The following TMC1 variants were observed in gnomAD, a reference collection of about 807,000 sequenced individuals.
TMC1 encodes the protein transmembrane channel like 1.
Under a neutral mutation model 105.8 loss-of-function variants are expected in TMC1, and 84 were observed. That is an observed-to-expected ratio of 0.79 (90% CI 0.67 to 0.95). The LOEUF is 0.95. Ranked by LOEUF, TMC1 falls within the 40% of genes least tolerant of loss-of-function variation. The probability of loss-of-function intolerance (pLI) is 0.00; values close to 1 mark genes in which losing one functional copy is unlikely to be tolerated. For missense variants in TMC1, 817 were observed against 914.1 expected (o/e 0.89, Z 1.37); for synonymous variants, 315 against 311.5 (o/e 1.01, Z -0.12).
At chr9:72,559,570 A>G (rs930590535) in intron 1 of TMC1, among the ~76,000 whole-genome samples, 1 of 152,218 alleles carries the variant, frequency 6.6e-6, no homozygotes, top group African/African-American at 2.4e-5. Flanking sequence ...AGCTGTAGCA[A>G]TGGAGTAATA....
intron 8 of TMC1, among the ~76,000 whole-genome samples, chr9:72,704,960 G>A (rs1198781683): frequency 6.6e-6 from 1 of 151,390 alleles, no homozygotes; most frequent in Admixed American, 6.6e-5. Context: ...GTTGGAGGGG[G>A]GTAAGGGAAA....
chr9:72,677,463 A>G (rs990187348), intron 5 of TMC1, among the ~76,000 whole-genome samples: 12 of 152,098 alleles, frequency 7.9e-5, no homozygotes, highest in African/African-American at 2.9e-4. Flanking sequence ...ACCCAGAATA[A>G]TCTTTCACCA....
chr9:72,657,642 A>G (rs180747625), intron 5 of TMC1, among the ~76,000 whole-genome samples: 1 of 152,320 alleles, frequency 6.6e-6, no homozygotes, highest in Non-Finnish European at 1.5e-5. Context: ...GACAAAATTT[A>G]TAAATCTTGG....
At chr9:72,565,890 C>T (rs570381255) in intron 1 of TMC1, among the ~76,000 whole-genome samples, 141 of 152,290 alleles carry the variant, frequency 9.3e-4, no homozygotes, top group Non-Finnish European at 1.5e-3. Flanking sequence ...ACCAGCTCCC[C>T]TCAAGACACA....
rs994278905 is a variant in TMC1, at chr9:72,837,286, G to T, written c.*1313G>T. On this transcript the variant is annotated 3_prime_UTR_variant, in exon 24 of 24. Coordinates refer to ENST00000297784, the MANE Select transcript of TMC1 (RefSeq NM_138691.3). ...CACTTGCCCAACTCCTAAGATCTCC[G>T]GCTCAGGTGTTTTCTATCTATTGGG... The T allele has an allele frequency of 6.6e-6, 1 of 152,108 alleles. No individual in the cohort carries two copies. Among genetic ancestry groups the T allele is most frequent in the African/African-American group, 2.4e-5 (1 of 41,400 alleles). 9.4% of individuals were successfully genotyped at this position (152,108 alleles called of 1,614,324 possible). A position where few individuals can be genotyped will look rare whatever the true frequency, so the allele number is the denominator to read the frequency against.
chr9:72,765,873 G>A (rs1410621773), intron 12 of TMC1, among the ~76,000 whole-genome samples: 6 of 152,114 alleles, frequency 3.9e-5, no homozygotes, highest in African/African-American at 1.4e-4. Context: ...AGTGTCAGTC[G>A]TGGGCCATGG....
At chr9:72,613,801 C>A (rs558552793) in intron 2 of TMC1, among the ~76,000 whole-genome samples, 2 of 151,748 alleles carry the variant, frequency 1.3e-5, no homozygotes, top group Non-Finnish European at 2.9e-5. Context: ...ACAGGATTAA[C>A]GAAAGTCTCA....
intron 8 of TMC1, among the ~76,000 whole-genome samples, chr9:72,732,330 A>T (rs989269624): frequency 1.6e-4 from 25 of 152,218 alleles, no homozygotes; most frequent in Non-Finnish European, 8.8e-5. Flanking sequence ...TGAGAGGCCA[A>T]GGTGGGCGGA....
At chr9:72,800,547 A>G (rs561344850) in intron 17 of TMC1, among the ~76,000 whole-genome samples, 1 of 152,174 alleles carries the variant, frequency 6.6e-6, no homozygotes, top group Non-Finnish European at 1.5e-5. Context: ...TCAGATGCAG[A>G]TGGTTCTGCG....
At chr9:72,712,333 G>A (rs948293156) in intron 8 of TMC1, among the ~76,000 whole-genome samples, 1 of 152,078 alleles carries the variant, frequency 6.6e-6, no homozygotes, top group Non-Finnish European at 1.5e-5. Flanking sequence ...GATGGGGATA[G>A]CATTGAACCT....
intron 12 of TMC1, among the ~76,000 whole-genome samples, chr9:72,766,458 A>G (rs1827841352): frequency 6.6e-6 from 1 of 151,836 alleles, no homozygotes; most frequent in South Asian, 2.1e-4. Context: ...TCTGGCACAT[A>G]GTAGATTCTT....
intron 5 of TMC1, among the ~76,000 whole-genome samples, chr9:72,678,459 T>C (rs1826237942): frequency 6.6e-6 from 1 of 152,094 alleles, no homozygotes; most frequent in East Asian, 1.9e-4. Context: ...TTCTGCCACT[T>C]TCTTACTATG....
chr9:72,818,698 G>C (rs1352626899), intron 19 of TMC1: 1 of 152,180 alleles, frequency 6.6e-6, no homozygotes, highest in East Asian at 1.9e-4. Context: ...AATTTTATAA[G>C]GCTAAAGTGT....
intron 13 of TMC1, among the ~76,000 whole-genome samples, chr9:72,782,538 T>C (rs1179402388): frequency 6.6e-6 from 1 of 152,138 alleles, no homozygotes; most frequent in African/African-American, 2.4e-5. Flanking sequence ...TTGTGGACAA[T>C]ATAATTCTAA....
chr9:72,663,971 C>T (rs886097116), intron 5 of TMC1, among the ~76,000 whole-genome samples: 42 of 152,214 alleles, frequency 2.8e-4, no homozygotes, highest in African/African-American at 9.9e-4. Context: ...ATATCATTAT[C>T]CACCACCTCC....
At chr9:72,685,097 A>ATTTTTT (rs1771194393) in intron 5 of TMC1, among the ~76,000 whole-genome samples, 1 of 125,754 alleles carries the variant, frequency 8.0e-6, no homozygotes, top group African/African-American at 3.4e-5. Flanking sequence ...TTATAAAGTC[A>ATTTTTT]TTCTTTTTTT....
intron 1 of TMC1, among the ~76,000 whole-genome samples, chr9:72,544,435 G>A (rs1325831647): frequency 6.6e-6 from 1 of 151,540 alleles, no homozygotes; most frequent in Non-Finnish European, 1.5e-5. Flanking sequence ...GCTTCTTCCA[G>A]GTGGACTGAT....
At chr9:72,584,784 C>CTTTTTTTTTTT (rs71357591) in intron 2 of TMC1, among the ~76,000 whole-genome samples, 52 of 112,988 alleles carry the variant, frequency 4.6e-4, no homozygotes, top group East Asian at 8.1e-4. Flanking sequence ...CTTTTCTTTT[C>CTTTTTTTTTTT]TTTTTTTTTT....
chr9:72,543,879 G>A (rs749893138), intron 1 of TMC1, among the ~76,000 whole-genome samples: 1 of 151,796 alleles, frequency 6.6e-6, no homozygotes, highest in Non-Finnish European at 1.5e-5. Context: ...TGGGAATACA[G>A]GCATGTGCCA....
Sources: gnomAD v4.1 joint callset for allele counts (sites outside exome capture counted in the v4.1 genomes callset) on GRCh38, gnomAD v4.1.1 for gene constraint, MANE v1.5 for transcripts, NCBI Gene and HGNC (gene_info 2026-07-23, HGNC 2026-07-21) for gene names.